INTU: variants seen among roughly 807,000 people sequenced by gnomAD.
INTU encodes the protein inturned planar cell polarity protein, also known as protein inturned.
Under a neutral mutation model 100.5 loss-of-function variants are expected in INTU, and 68 were observed. That is an observed-to-expected ratio of 0.68 (90% confidence interval 0.56 to 0.83). The LOEUF is 0.83. INTU is among the 40% of genes least tolerant of loss of function. The probability of loss-of-function intolerance (pLI) is 0.00; values close to 1 mark genes in which losing one functional copy is unlikely to be tolerated. For missense variants in INTU, 1,071 were observed against 1,114.7 expected, an observed-to-expected ratio of 0.96 and a Z score of 0.56; for synonymous variants, 357 against 395.7, an observed-to-expected ratio of 0.90 and a Z score of 1.16.
rs1481724879 is a variant in INTU at position 127,724,749 on chromosome 4, A to G, written c.*8313A>G. 3.9e-5 allele frequency: 6 copies of G among 152,176 alleles called. No homozygotes were observed. Among genetic ancestry groups the G allele is most frequent in the African/African-American group, 1.2e-4 (5 of 41,460 alleles). 9.4% of individuals were successfully genotyped at this position (152,176 alleles called of 1,614,324 possible). On this transcript the variant is annotated 3_prime_UTR_variant, in exon 16 of 16. Coordinates refer to ENST00000335251, the MANE Select transcript of INTU (RefSeq NM_015693.4). ...ACCAGCACATCTAAAATCGGTCTCTACATTTTTCCATCTTAAATATGAGCT... is the reference window on the plus strand; with the variant it reads ...ACCAGCACATCTAAAATCGGTCTCTGCATTTTTCCATCTTAAATATGAGCT...
At chr4:127,640,424 TA>T (rs1727258909) in intron 1 of INTU, among the ~76,000 whole-genome samples, 1 of 151,222 alleles carries the variant, frequency 6.6e-6, no homozygotes, top group Admixed American at 6.6e-5. Context: ...TTCCTCTTTT[TA>T]AAAAGTGTCT....
intron 12 of INTU, among the ~76,000 whole-genome samples, chr4:127,707,468 C>A (rs565998346): frequency 2.1e-5 from 3 of 141,436 alleles, no homozygotes; most frequent in Non-Finnish European, 3.1e-5. Flanking sequence ...ATCTGTTTAA[C>A]AGTACTTAGA....
intron 10 of INTU, 39 bp downstream of exon 10, chr4:127,704,329 ATAAAGAGAAC>A (rs1056934023): frequency 4.0e-5 from 58 of 1,449,464 alleles, no homozygotes; most frequent in Non-Finnish European, 5.1e-5. Flanking sequence ...CAGCTGCTGT[ATAAAGAGAAC>A]TAAATTTTCA....
At chr4:127,678,687 C>T (rs1289267451) in intron 6 of INTU, among the ~76,000 whole-genome samples, 1 of 152,162 alleles carries the variant, frequency 6.6e-6, no homozygotes, top group Non-Finnish European at 1.5e-5. Flanking sequence ...GAAGAAACTG[C>T]ATCAACTAAC....
At chr4:127,683,038 A>C (rs890159403) in intron 6 of INTU, among the ~76,000 whole-genome samples, 1 of 152,166 alleles carries the variant, frequency 6.6e-6, no homozygotes, top group Non-Finnish European at 1.5e-5. Flanking sequence ...AGGCAGAGAC[A>C]GTTTCCAGGT....
intron 6 of INTU, among the ~76,000 whole-genome samples, chr4:127,679,238 C>T (rs1729392764): frequency 6.6e-6 from 1 of 152,196 alleles, no homozygotes; most frequent in Non-Finnish European, 1.5e-5. Context: ...GAACTCAGCT[C>T]TGCACCAAGA....
chr4:127,650,102 A>T (rs956522488), intron 2 of INTU, among the ~76,000 whole-genome samples: 1 of 152,240 alleles, frequency 6.6e-6, no homozygotes, highest in African/African-American at 2.4e-5. Context: ...TTTGAAGCAA[A>T]GAACTGTTTG....
rs114492586 is a variant in INTU, at chr4:127,659,668, G to A, written c.768+2947G>A. On this transcript the variant is annotated intron_variant, in intron 3 of 15. Coordinates refer to ENST00000335251, the MANE Select transcript of INTU (RefSeq NM_015693.4). ...ACATCGTCTCTTCCCGTCTTTATCC[G>A]GGAGCTTGGGTCCAAATTTTGCAGA... Among the ~76,000 whole-genome samples, 358 of 152,168 alleles carry A rather than the reference G, an allele frequency of 2.4e-3. 2 individuals carry two copies. The highest frequency in any genetic ancestry group is 8.1e-3 in the African/African-American group (338 of 41,508).
intron 1 of INTU, among the ~76,000 whole-genome samples, chr4:127,640,833 A>C (rs759400303): frequency 3.3e-5 from 5 of 151,824 alleles, no homozygotes; most frequent in Non-Finnish European, 7.4e-5. Flanking sequence ...GAATAACCCT[A>C]TATGTGTTTT....
At position 127,664,122 on chromosome 4, in the gene INTU, G is replaced by A. The variant is rs916854830; in HGVS notation, c.972+538G>A. On this transcript the variant is annotated intron_variant, in intron 4 of 15. Coordinates refer to ENST00000335251, the MANE Select transcript of INTU (RefSeq NM_015693.4). The stretch of plus-strand genomic sequence containing the variant: ...ATGTAGCATTAACTTTCTTCCATAG[G>A]TTGTAAATAGTTTTTATGTTTTACA... Among the ~76,000 whole-genome samples the A allele has an allele frequency of 2.0e-5, 3 of 152,036 alleles. No homozygotes were observed. In the East Asian group the frequency reaches 5.8e-4, roughly 29 times the overall value.
rs1314731974 is a variant in INTU at position 127,684,286 on chromosome 4, C to T, written c.1182-123C>T. 5 of 610,700 alleles carry T rather than the reference C, an allele frequency of 8.2e-6. No individual in the cohort carries two copies. The Admixed American group carries it at 1.6e-4, about 20-fold the overall frequency. The allele number at this position is 610,700 out of a possible 1,614,324, so 37.8% of individuals were successfully genotyped here. On this transcript the variant is annotated intron_variant, in intron 6 of 15. Transcript: ENST00000335251. Reference sequence around the variant, plus strand: ...AAAGCGACCATTTTGTACAGCTTTACTCAGAGTTGACACACATACTTTTCA... The same window carrying T: ...AAAGCGACCATTTTGTACAGCTTTATTCAGAGTTGACACACATACTTTTCA...
chr4:127,663,519 C>A lies in INTU; in HGVS notation c.907C>A (p.Leu303Ile). 6.2e-7 allele frequency: 1 copy of A among 1,613,464 alleles called. No homozygotes were observed. Among genetic ancestry groups the A allele is most frequent in the South Asian group, 1.1e-5 (1 of 91,054 alleles). The change falls in exon 4 of 16, where the codon CTA becomes ATA. Residue 303 changes from leucine (L) to isoleucine (I), a missense_variant. Coordinates refer to ENST00000335251, the MANE Select transcript of INTU (RefSeq NM_015693.4). Reference protein sequence around the residue: ...EEVEGIQQSGLNTPHIIMYLT... With the variant: ...EEVEGIQQSGINTPHIIMYLT... The stretch of plus-strand genomic sequence containing the variant: ...GGTTGAAGGTATCCAGCAGAGTGGC[C>A]TAAACACTCCTCATATCATTATGTA...
intron 2 of INTU, among the ~76,000 whole-genome samples, chr4:127,655,740 G>C (rs936729697): frequency 1.3e-5 from 2 of 152,196 alleles, no homozygotes; most frequent in Non-Finnish European, 2.9e-5. Context: ...TTGAGCTGTG[G>C]TGGGCTCCAC....
At chr4:127,641,427 A>T (rs574369506) in intron 1 of INTU, among the ~76,000 whole-genome samples, 1 of 152,104 alleles carries the variant, frequency 6.6e-6, no homozygotes, top group Non-Finnish European at 1.5e-5. Flanking sequence ...CATGGGGACT[A>T]TCCTCAGGTC....
intron 6 of INTU, among the ~76,000 whole-genome samples, chr4:127,674,663 TC>T (rs1484238444): frequency 5.3e-5 from 8 of 152,204 alleles, no homozygotes. Flanking sequence ...TAATGGTACA[TC>T]TTATATTATC....
At position 127,687,759 on chromosome 4, in the gene INTU, A is replaced by G; in HGVS notation, c.1341A>G (p.Lys447=). The change falls in exon 8 of 16, where the codon AAA becomes AAG. Residue 447 remains lysine (K), a synonymous_variant. Transcript: ENST00000335251. ...TTCAAAGAGCACTTCAGCCTGCGAA[A>G]CTGCATTCCAGCGCCAGTCCCAGTG... ...LFFQRALQPA[K]LHSSASPSAQ... 4 of 1,613,530 alleles carry G rather than the reference A, an allele frequency of 2.5e-6. No homozygotes were observed. The highest frequency in any genetic ancestry group is 3.4e-6 in the Non-Finnish European group (4 of 1,179,652).
intron 14 of INTU, among the ~76,000 whole-genome samples, chr4:127,712,582 G>C (rs998534415): frequency 2.0e-5 from 3 of 152,162 alleles, no homozygotes; most frequent in African/African-American, 7.2e-5. Flanking sequence ...AGTATGCTGA[G>C]AAGAATTAGA....
At position 127,714,027 on chromosome 4, in the gene INTU, A is replaced by G. The variant is rs1731178871; in HGVS notation, c.2651A>G (p.Glu884Gly). The change falls in exon 15 of 16, where the codon GAA becomes GGA. Residue 884 changes from glutamate (E) to glycine (G), a missense_variant. By Grantham distance (98) the Glu-to-Gly change is moderately conservative. Transcript: ENST00000335251. The part of the protein sequence containing the change: ...NPVKEHGVLF[E>G]CSPGNWTDQK... ...GTTAAAGAACATGGTGTGTTGTTTG[A>G]ATGTTCACCTGGAAACTGGACTGAT... 1.2e-6 allele frequency: 2 copies of G among 1,613,626 alleles called. No homozygotes were observed. The highest frequency in any genetic ancestry group is 1.7e-5 in the Admixed American group (1 of 59,938).
chr4:127,656,370 A>T (rs1051006018), intron 2 of INTU, among the ~76,000 whole-genome samples: 1 of 152,206 alleles, frequency 6.6e-6, no homozygotes, highest in Non-Finnish European at 1.5e-5. Flanking sequence ...TGTATCAAGA[A>T]TAAAAATAGT....
Sources: gnomAD v4.1 joint callset for allele counts (sites outside exome capture counted in the v4.1 genomes callset) on GRCh38, gnomAD v4.1.1 for gene constraint, MANE v1.5 for transcripts, NCBI Gene and HGNC (gene_info 2026-07-23, HGNC 2026-07-21) for gene names.